CHIC1: variants seen among roughly 807,000 people sequenced by gnomAD.
The protein encoded by CHIC1 is cysteine-rich hydrophobic domain-containing protein 1.
CHIC1 carries 7 observed loss-of-function variants against 18.5 expected under a neutral mutation model. That is an observed-to-expected ratio of 0.38 (90% CI 0.22 to 0.71). The LOEUF (loss-of-function observed/expected upper bound fraction) is 0.71, where lower values mean the gene tolerates loss of function less well. Among genes scored for constraint, CHIC1 ranks in the 30% least tolerant of loss-of-function variants. The pLI, the probability that CHIC1 is intolerant of heterozygous loss-of-function variation, is 0.49. For missense variants in CHIC1, 159 were observed against 176.9 expected (o/e 0.90, Z 0.57); for synonymous variants, 77 against 73.5 (o/e 1.05, Z -0.25).
chrX:73,643,513 C>T (rs774736802), intron 3 of CHIC1, among the ~76,000 whole-genome samples: 6 of 111,944 alleles, frequency 5.4e-5, no homozygotes, highest in East Asian at 5.6e-4. Context: ...ACCAATCAGA[C>T]GTAGATTTGG....
At chrX:73,668,756 C>A (rs2058016380) in intron 3 of CHIC1, among the ~76,000 whole-genome samples, 1 of 112,066 alleles carries the variant, frequency 8.9e-6, no homozygotes, top group African/African-American at 3.2e-5. Context: ...TGACCTTTTG[C>A]CAGCCTGAAC....
At chrX:73,631,299 T>C (rs908849244) in intron 3 of CHIC1, among the ~76,000 whole-genome samples, 13 of 111,501 alleles carry the variant, frequency 1.2e-4, no homozygotes, top group Non-Finnish European at 1.9e-5. Context: ...GGGCTTGCTT[T>C]ATTCTATTCT....
At chrX:73,598,111 T>C (rs2057620317) in intron 3 of CHIC1, among the ~76,000 whole-genome samples, 1 of 111,172 alleles carries the variant, frequency 9.0e-6, no homozygotes. Context: ...AGGAGAATGA[T>C]TTGCAAACCA....
chrX:73,644,779 GTCTGTCA>G (rs1309317381), intron 3 of CHIC1, among the ~76,000 whole-genome samples: 1 of 110,565 alleles, frequency 9.0e-6, no homozygotes, highest in Non-Finnish European at 1.9e-5. Context: ...TCCAGGTGCC[GTCTGTCA>G]TCCAGGTTTG....
chrX:73,672,648 G>T (rs1348445374), intron 3 of CHIC1, among the ~76,000 whole-genome samples: 1 of 112,331 alleles, frequency 8.9e-6, no homozygotes, highest in Non-Finnish European at 1.9e-5. Flanking sequence ...TGAGTTCAAT[G>T]TAGATTCTGG....
At chrX:73,649,639 ACTAT>A (rs1337218275) in intron 3 of CHIC1, among the ~76,000 whole-genome samples, 8 of 112,326 alleles carry the variant, frequency 7.1e-5, no homozygotes, top group Non-Finnish European at 1.1e-4. Context: ...AGAAGAGCTA[ACTAT>A]CCTAAACATA....
intron 3 of CHIC1, among the ~76,000 whole-genome samples, chrX:73,655,473 T>TATATACACAATATTGTGTATATATATAC (rs1556513375): frequency 1.5e-5 from 1 of 68,130 alleles, no homozygotes; most frequent in Non-Finnish European, 3.0e-5. Flanking sequence ...TATATATATA[T>TATATACACAATATTGTGTATATATATAC]ACATATATAC....
chrX:73,627,137 CA>C lies in CHIC1; in HGVS notation c.507+42586del, dbSNP rs759306668. 9.8e-3 allele frequency among the ~76,000 whole-genome samples: 558 copies of C among 56,971 alleles called. 1 individual carries two copies. The highest frequency in any genetic ancestry group is 0.014 in the Admixed American group (61 of 4,462). The allele number at this position is 56,971 out of a possible 115,157, so 49.5% of individuals were successfully genotyped here. On this transcript the variant is annotated intron_variant, in intron 3 of 5. Coordinates refer to ENST00000373502, the MANE Select transcript of CHIC1 (RefSeq NM_001039840.4). Reference sequence around the variant, plus strand: ...CTCTTCTTCTTTCTTTAAGTTCTCCCAAAAAAAAAAAAAAAAAAAAAGAGTC... The same window carrying C: ...CTCTTCTTCTTTCTTTAAGTTCTCCCAAAAAAAAAAAAAAAAAAAAGAGTC...
At chrX:73,605,622 A>T (rs193253871) in intron 3 of CHIC1, among the ~76,000 whole-genome samples, 11 of 108,590 alleles carry the variant, frequency 1.0e-4, no homozygotes, top group African/African-American at 3.9e-4. Flanking sequence ...TTTTTGCAGT[A>T]GCTGTTACTG....
intron 3 of CHIC1, among the ~76,000 whole-genome samples, chrX:73,618,474 G>A (rs996959031): frequency 9.0e-6 from 1 of 111,279 alleles, no homozygotes; most frequent in African/African-American, 3.3e-5. Flanking sequence ...CTGGGGGTGT[G>A]GTTCTCAGGC....
chrX:73,640,006 G>T (rs1190852800), intron 3 of CHIC1, among the ~76,000 whole-genome samples: 1 of 111,083 alleles, frequency 9.0e-6, no homozygotes, highest in Non-Finnish European at 1.9e-5. Context: ...CTTTTTATTT[G>T]GATGCTCTTT....
chrX:73,683,027 CTTAGAATTT>C lies in CHIC1; in HGVS notation c.*2023_*2031del, dbSNP rs2058105439. 1 of 110,667 alleles carries C rather than the reference CTTAGAATTT, an allele frequency of 9.0e-6. No individual in the cohort carries two copies. The highest frequency in any genetic ancestry group is 9.6e-5 in the Admixed American group (1 of 10,402). The allele number at this position is 110,667 out of a possible 1,213,427, so 9.1% of individuals were successfully genotyped here. A position where few individuals can be genotyped will look rare whatever the true frequency, so the allele number is the denominator to read the frequency against. On this transcript the variant is annotated 3_prime_UTR_variant, in exon 6 of 6. Transcript: ENST00000373502. Reference sequence around the variant, plus strand: ...TAGAAATCTTATTTTTTTCTATAACCTTAGAATTTGATCATATGATGGTCATAGGAACTT... The same window carrying C: ...TAGAAATCTTATTTTTTTCTATAACCGATCATATGATGGTCATAGGAACTT...
chrX:73,675,947 C>A (rs2058060120), intron 3 of CHIC1, among the ~76,000 whole-genome samples: 1 of 110,680 alleles, frequency 9.0e-6, no homozygotes, highest in Non-Finnish European at 1.9e-5. Context: ...AATCTCTCAG[C>A]ATTTGCTTGT....
chrX:73,624,284 G>T (rs1166768471), intron 3 of CHIC1, among the ~76,000 whole-genome samples: 1 of 111,520 alleles, frequency 9.0e-6, no homozygotes, highest in African/African-American at 3.3e-5. Flanking sequence ...CTCATAATGT[G>T]ATACCCCCAA....
chrX:73,653,101 TCCTC>T (rs965488703), intron 3 of CHIC1, among the ~76,000 whole-genome samples: 6 of 111,344 alleles, frequency 5.4e-5, no homozygotes, highest in African/African-American at 2.0e-4. Context: ...GAAGCCTTCT[TCCTC>T]AGTAAACTAA....
At chrX:73,634,854 G>A (rs1463875102) in intron 3 of CHIC1, among the ~76,000 whole-genome samples, 1 of 111,153 alleles carries the variant, frequency 9.0e-6, no homozygotes. Flanking sequence ...GGTTAAGGAG[G>A]GGGGCTTTTT....
chrX:73,609,094 G>A (rs1231129786), intron 3 of CHIC1, among the ~76,000 whole-genome samples: 1 of 105,100 alleles, frequency 9.5e-6, no homozygotes, highest in Admixed American at 1.0e-4. Flanking sequence ...GGTGGAGGTT[G>A]CAGTCAGCCG....
intron 3 of CHIC1, among the ~76,000 whole-genome samples, chrX:73,618,072 A>C (rs1332528707): frequency 9.0e-6 from 1 of 111,520 alleles, no homozygotes; most frequent in East Asian, 2.8e-4. Context: ...CACCCAGCGG[A>C]GCTACCAGGC....
chrX:73,628,413 C>T (rs901022820), intron 3 of CHIC1, among the ~76,000 whole-genome samples: 18 of 112,042 alleles, frequency 1.6e-4, no homozygotes, highest in African/African-American at 4.9e-4. Context: ...TACCTGGAGA[C>T]AGAGGGCTGT....
Sources: allele counts gnomAD v4.1 joint callset (sites outside exome capture counted in the v4.1 genomes callset), GRCh38; gene constraint gnomAD v4.1.1; transcripts MANE v1.5; gene names NCBI Gene and HGNC (gene_info 2026-07-23, HGNC 2026-07-21).